CHMP4B: variants seen among roughly 807,000 people sequenced by gnomAD.
CHMP4B encodes the protein SNF7 homolog associated with Alix 1.
A neutral mutation model predicts 25.1 loss-of-function variants in CHMP4B; 1 was observed. The observed-to-expected ratio is 0.04, with a 90% CI of 0.01 to 0.19. The LOEUF is 0.19. Ranked by LOEUF, CHMP4B falls within the 10% of genes least tolerant of loss-of-function variation. The pLI is 1.00. For synonymous variants in CHMP4B, 101 were observed against 115.6 expected (o/e 0.87, Z 0.81); for missense variants, 151 against 289.7 (o/e 0.52, Z 3.48).
intron 1 of CHMP4B, among the ~76,000 whole-genome samples, chr20:33,820,375 T>C (rs1978906754): frequency 1.3e-5 from 2 of 152,208 alleles, no homozygotes; most frequent in South Asian, 4.1e-4. Flanking sequence ...CTTAATGCTG[T>C]ATAGGTACAC....
chr20:33,841,469 C>T (rs1979538228), intron 1 of CHMP4B, among the ~76,000 whole-genome samples: 1 of 152,210 alleles, frequency 6.6e-6, no homozygotes, highest in Non-Finnish European at 1.5e-5. Context: ...AGGCCCTTGT[C>T]CTGCAGGTGA....
At chr20:33,818,839 A>G (rs1048075416) in intron 1 of CHMP4B, among the ~76,000 whole-genome samples, 1 of 151,998 alleles carries the variant, frequency 6.6e-6, no homozygotes, top group African/African-American at 2.4e-5. Flanking sequence ...TTGACTGTCC[A>G]TTTTTTGGTG....
At chr20:33,829,155 C>T (rs6059482) in intron 1 of CHMP4B, among the ~76,000 whole-genome samples, 5,938 of 152,224 alleles carry the variant, frequency 0.039, 384 homozygotes, top group African/African-American at 0.13. Context: ...AGAAGAGCTG[C>T]GAGGAAGCTT....
chr20:33,840,156 G>T (rs1297511193), intron 1 of CHMP4B, among the ~76,000 whole-genome samples: 2 of 151,676 alleles, frequency 1.3e-5, no homozygotes, highest in Non-Finnish European at 2.9e-5. Flanking sequence ...TGAGGCAGGA[G>T]AATTACTTGA....
At chr20:33,827,268 A>G (rs1324484812) in intron 1 of CHMP4B, among the ~76,000 whole-genome samples, 2 of 152,228 alleles carry the variant, frequency 1.3e-5, no homozygotes, top group Non-Finnish European at 2.9e-5. Context: ...TGTTTTGTCA[A>G]CAACAAAATG....
At position 33,830,174 on chromosome 20, in the gene CHMP4B, T is replaced by C. The variant is rs180899738; in HGVS notation, c.191-18293T>C. On this transcript the variant is annotated intron_variant, in intron 1 of 4. Transcript: ENST00000217402. ...GAGAGGGTGGTGGTGAAGAGGAAGA[T>C]GAAAGGAGTGGCAGAAGCATTTGGT... Among the ~76,000 whole-genome samples, 267 of 152,030 alleles carry C rather than the reference T, an allele frequency of 1.8e-3. 1 individual carries two copies. The highest frequency in any genetic ancestry group is 3.7e-3 in the Admixed American group (57 of 15,274).
intron 1 of CHMP4B, among the ~76,000 whole-genome samples, chr20:33,819,406 T>A (rs984221348): frequency 2.6e-5 from 4 of 152,218 alleles, no homozygotes; most frequent in Non-Finnish European, 4.4e-5. Context: ...TCCTGTGGCT[T>A]ATTCATTAGT....
intron 1 of CHMP4B, 41 bp from the exon 2 acceptor site, chr20:33,848,426 G>A (rs1470285380): frequency 4.4e-6 from 7 of 1,608,800 alleles, no homozygotes; most frequent in Non-Finnish European, 5.9e-6. Flanking sequence ...ACCTCACCCT[G>A]TGCCGGGACT....
chr20:33,815,303 C>T (rs1435930855), intron 1 of CHMP4B, among the ~76,000 whole-genome samples: 1 of 152,150 alleles, frequency 6.6e-6, no homozygotes, highest in Non-Finnish European at 1.5e-5. Flanking sequence ...AGGAGACTTG[C>T]AATTCTTCAG....
chr20:33,851,032 C>T lies in CHMP4B; in HGVS notation c.449C>T (p.Ser150Leu), dbSNP rs1240773481. ...GCAGAGGAGATTTCAACAGCAATTT[C>T]GAAACCTGTAGGGTTTGGAGAAGAG... ...ELAEEISTAI[S>L]KPVGFGEEFD... Residue 150 changes from serine to leucine, a missense_variant, in exon 3 of 5, where the codon TCG (serine) becomes TTG (leucine). Physicochemically the swap from Ser to Leu is moderately radical, Grantham distance 145 (BLOSUM62 -2). Around this residue, in one of 3 missense-constraint regions of CHMP4B, gnomAD observed 82 missense variants for 208.3 expected, o/e 0.39. Transcript: ENST00000217402. 2.5e-6 allele frequency: 4 copies of T among 1,613,560 alleles called. No homozygotes were observed. The highest frequency in any genetic ancestry group is 3.4e-6 in the Non-Finnish European group (4 of 1,179,466).
rs141704269 is a variant in CHMP4B, at chr20:33,824,433, T to C, written c.190+12775T>C. On this transcript the variant is annotated intron_variant, in intron 1 of 4. Transcript: ENST00000217402. ...AGGTTGAGGAGCACAAGGTTGGGGTTGGGGTGTGGGGGTCCCAAGAGTGAC... is the reference window on the plus strand; with the variant it reads ...AGGTTGAGGAGCACAAGGTTGGGGTCGGGGTGTGGGGGTCCCAAGAGTGAC... Among the ~76,000 whole-genome samples the C allele has an allele frequency of 7.6e-3, 1,150 of 152,214 alleles. 15 individuals are homozygous for C. The highest frequency in any genetic ancestry group is 0.026 in the African/African-American group (1,097 of 41,538).
Position 33,852,194 on chromosome 20 carries a change from T to C in CHMP4B, c.601T>C (p.Ser201Pro). 2 of 1,614,070 alleles carry C rather than the reference T, an allele frequency of 1.2e-6. No individual in the cohort carries two copies. Among genetic ancestry groups the C allele is most frequent in the Non-Finnish European group, 1.7e-6 (2 of 1,180,016 alleles). The change falls in exon 4 of 5, where the codon TCA (serine) becomes CCA (proline). Residue 201 changes from serine (S) to proline (P), a missense_variant. By Grantham distance (74) the Ser-to-Pro change is moderately conservative. Around this residue, in one of 3 missense-constraint regions of CHMP4B, gnomAD observed 41 missense variants for 50.9 expected, o/e 0.81. Coordinates refer to ENST00000217402, the MANE Select transcript of CHMP4B (RefSeq NM_176812.5). ...AAATGTTCCCTCTATAGCCCTACCA[T>C]CAAAACCCGGTGAGTGCTTCTAGAG... is the stretch of plus-strand genomic sequence containing the variant. ...LPNVPSIALP[S>P]KPAKKKEEED...
Position 33,813,159 on chromosome 20 carries a change from A to G in CHMP4B, c.190+1501A>G, listed in dbSNP as rs759248555. ...CCAGCTCTGTAAAAAAAAAAAAAAA[A>G]GGGGGAGGAGCCTTCTGGGCGTGGA... On this transcript the variant is annotated intron_variant, in intron 1 of 4. Coordinates refer to ENST00000217402, the MANE Select transcript of CHMP4B (RefSeq NM_176812.5). Among the ~76,000 whole-genome samples the G allele has an allele frequency of 1.5e-3, 222 of 148,946 alleles. 1 individual carries two copies. The highest frequency in any genetic ancestry group is 7.0e-3 in the Middle Eastern group (2 of 284).
intron 1 of CHMP4B, among the ~76,000 whole-genome samples, chr20:33,846,826 TC>T (rs1339337863): frequency 6.6e-6 from 1 of 152,160 alleles, no homozygotes; most frequent in East Asian, 1.9e-4. Flanking sequence ...AGGCTAGTGC[TC>T]CTGACCCAGC....
chr20:33,821,013 A>G (rs1978924177), intron 1 of CHMP4B, among the ~76,000 whole-genome samples: 1 of 152,192 alleles, frequency 6.6e-6, no homozygotes, highest in Admixed American at 6.5e-5. Flanking sequence ...TAAAATTATA[A>G]TTGTCTTCCT....
At chr20:33,824,837 A>C (rs1979048664) in intron 1 of CHMP4B, among the ~76,000 whole-genome samples, 1 of 129,644 alleles carries the variant, frequency 7.7e-6, no homozygotes, top group Admixed American at 7.8e-5. Flanking sequence ...ATGTCCCCAA[A>C]AGGGTGGGGG....
At chr20:33,830,689 C>T (rs1979215078) in intron 1 of CHMP4B, among the ~76,000 whole-genome samples, 1 of 152,046 alleles carries the variant, frequency 6.6e-6, no homozygotes, top group Non-Finnish European at 1.5e-5. Flanking sequence ...TAATGACCTC[C>T]AAGAGGCCCC....
intron 1 of CHMP4B, among the ~76,000 whole-genome samples, chr20:33,831,837 TG>T (rs1979260882): frequency 1.3e-5 from 2 of 152,176 alleles, no homozygotes; most frequent in African/African-American, 4.8e-5. Context: ...GTTTTTTAAT[TG>T]CGCTAAGGTA....
At chr20:33,849,034 T>G (rs190309865) in intron 2 of CHMP4B, among the ~76,000 whole-genome samples, 20 of 152,304 alleles carry the variant, frequency 1.3e-4, no homozygotes, top group African/African-American at 4.6e-4. Flanking sequence ...GATTTTTCCC[T>G]GATGCTGTCA....
Sources: gnomAD v4.1 joint callset for allele counts (sites outside exome capture counted in the v4.1 genomes callset) on GRCh38, gnomAD v4.1.1 for gene constraint, gnomAD v4.1.1 regional missense constraint, MANE v1.5 for transcripts, NCBI Gene and HGNC (gene_info 2026-07-23, HGNC 2026-07-21) for gene names.